Variants in PCDH7 observed in about 807,000 individuals in gnomAD.
PCDH7 encodes protocadherin-7.
In PCDH7, 17 loss-of-function variants were observed where a neutral mutation model predicts 58.9. The observed-to-expected ratio is 0.29, with a 90% CI of 0.20 to 0.43. PCDH7 has a LOEUF of 0.43. Among genes scored for constraint, PCDH7 ranks in the 20% least tolerant of loss-of-function variants. The pLI is 1.00. For missense variants in PCDH7, 1,274 were observed against 1,441.0 expected, an observed-to-expected ratio of 0.88 and a Z score of 1.88; for synonymous variants, 664 against 616.4, an observed-to-expected ratio of 1.08 and a Z score of -1.14.
chr4:30,878,879 C>T (rs1033251870), intron 1 of PCDH7, among the ~76,000 whole-genome samples: 1 of 151,930 alleles, frequency 6.6e-6, no homozygotes, highest in Admixed American at 6.6e-5. Flanking sequence ...ACAGGAAATA[C>T]CTTTCCATTA....
rs1037447381 is a variant in PCDH7, at chr4:31,045,494, C to T, written c.*7+95279C>T. Among the ~76,000 whole-genome samples the T allele has an allele frequency of 3.3e-5, 5 of 152,086 alleles. No individual in the cohort carries two copies. The East Asian group carries it at 7.7e-4, about 24-fold the overall frequency. ...CACACTTACACTGGGCATTCCGTTC[C>T]TGCTGTCAGAAGTCATAACATGATA... On this transcript the variant is annotated intron_variant, in intron 3 of 3. Coordinates refer to the PCDH7 transcript ENST00000509759.
intron 1 of PCDH7, among the ~76,000 whole-genome samples, chr4:30,902,254 T>A (rs556392354): frequency 1.3e-5 from 2 of 152,316 alleles, no homozygotes; most frequent in South Asian, 4.1e-4. Flanking sequence ...TGGTCAGTTG[T>A]TGCAGTATGT....
chr4:31,023,362 T>C (rs1324700375), intron 3 of PCDH7, among the ~76,000 whole-genome samples: 1 of 152,178 alleles, frequency 6.6e-6, no homozygotes, highest in Non-Finnish European at 1.5e-5. Flanking sequence ...CTATCCCTAT[T>C]CTTGTCCTGA....
intron 3 of PCDH7, among the ~76,000 whole-genome samples, chr4:31,111,621 T>G (rs1716332088): frequency 6.6e-6 from 1 of 152,072 alleles, no homozygotes; most frequent in East Asian, 1.9e-4. Context: ...CAAACAAATA[T>G]AACAACAACA....
intron 3 of PCDH7, among the ~76,000 whole-genome samples, chr4:31,137,702 G>A (rs770291625): frequency 2.6e-5 from 4 of 152,160 alleles, no homozygotes; most frequent in African/African-American, 4.8e-5. Context: ...GAACAAATTG[G>A]AGGAATGGTG....
chr4:30,969,356 CTT>C (rs1046024364), intron 3 of PCDH7, among the ~76,000 whole-genome samples: 1 of 147,406 alleles, frequency 6.8e-6, no homozygotes. Flanking sequence ...GATTTTGTCT[CTT>C]TTTTTTTTTC....
intron 1 of PCDH7, among the ~76,000 whole-genome samples, chr4:30,739,692 A>G (rs1347330096): frequency 6.6e-6 from 1 of 152,184 alleles, no homozygotes; most frequent in Non-Finnish European, 1.5e-5. Context: ...ATTTATGTGT[A>G]GTGGACGTAT....
intron 3 of PCDH7, among the ~76,000 whole-genome samples, chr4:31,082,885 G>A (rs1192224023): frequency 6.6e-6 from 1 of 152,118 alleles, no homozygotes; most frequent in Non-Finnish European, 1.5e-5. Context: ...AAGGTGGGCG[G>A]ATCACGAGGT....
chr4:31,101,418 A>G (rs1286003373), intron 3 of PCDH7, among the ~76,000 whole-genome samples: 1 of 152,134 alleles, frequency 6.6e-6, no homozygotes, highest in African/African-American at 2.4e-5. Context: ...TTCAGGTAGT[A>G]ATATATTTTA....
chr4:30,957,257 CAATTA>C (rs1330798717), intron 3 of PCDH7, among the ~76,000 whole-genome samples: 1 of 151,990 alleles, frequency 6.6e-6, no homozygotes, highest in Non-Finnish European at 1.5e-5. Context: ...TAACAGACAT[CAATTA>C]AATAAAAAGA....
intron 3 of PCDH7, among the ~76,000 whole-genome samples, chr4:31,047,153 C>G (rs574151077): frequency 7.2e-5 from 11 of 152,030 alleles, no homozygotes; most frequent in Admixed American, 2.0e-4. Flanking sequence ...TCTGATTACA[C>G]AAATATCACA....
intron 1 of PCDH7, among the ~76,000 whole-genome samples, chr4:30,779,803 T>C (rs1481949236): frequency 2.0e-5 from 3 of 152,230 alleles, no homozygotes; most frequent in South Asian, 4.1e-4. Flanking sequence ...CTGTGGGTGT[T>C]CAAGGCTCCC....
chr4:31,116,740 G>A (rs538636084), intron 3 of PCDH7, among the ~76,000 whole-genome samples: 3 of 152,308 alleles, frequency 2.0e-5, no homozygotes, highest in African/African-American at 4.8e-5. Flanking sequence ...GAGTGTGAGT[G>A]TCAATAGTAA....
rs78097069 is a variant in PCDH7 at position 31,050,876 on chromosome 4, T to G, written c.*8-91597T>G. Among the ~76,000 whole-genome samples, 17 of 152,266 alleles carry G rather than the reference T, an allele frequency of 1.1e-4. No homozygotes were observed. The East Asian group carries it at 2.9e-3, about 26-fold the overall frequency. ...GTATTTTAGAGATTGATAATAGGAC[T>G]GAATATATTTCCAGGGGTCACTTCC... On this transcript the variant is annotated intron_variant, in intron 3 of 3. Coordinates refer to the PCDH7 transcript ENST00000509759.
At chr4:31,035,386 T>C (rs1354199758) in intron 3 of PCDH7, among the ~76,000 whole-genome samples, 1 of 151,890 alleles carries the variant, frequency 6.6e-6, no homozygotes, top group African/African-American at 2.4e-5. Flanking sequence ...CCTGAGTAGC[T>C]AGGATTATGG....
At chr4:31,106,317 T>C (rs1012433245) in intron 3 of PCDH7, among the ~76,000 whole-genome samples, 3 of 152,102 alleles carry the variant, frequency 2.0e-5, no homozygotes, top group Non-Finnish European at 4.4e-5. Context: ...ATATAAGCGA[T>C]TGTGCAAAAA....
chr4:30,847,439 T>A (rs2109343453), intron 1 of PCDH7, among the ~76,000 whole-genome samples: 1 of 152,298 alleles, frequency 6.6e-6, no homozygotes, highest in East Asian at 1.9e-4. Context: ...CTCACCCAGC[T>A]GTCCTGTGAA....
intron 1 of PCDH7, among the ~76,000 whole-genome samples, chr4:30,761,839 T>G (rs574983982): frequency 6.6e-6 from 1 of 152,342 alleles, no homozygotes; most frequent in East Asian, 1.9e-4. Flanking sequence ...TTAATCTATT[T>G]GGTAGAGAAA....
intron 1 of PCDH7, among the ~76,000 whole-genome samples, chr4:30,759,801 G>A (rs1318821071): frequency 6.6e-6 from 1 of 152,004 alleles, no homozygotes. Flanking sequence ...ATTTAAGAAA[G>A]TGCCACCATT....
Sources: allele counts gnomAD v4.1 joint callset (sites outside exome capture counted in the v4.1 genomes callset), GRCh38; gene constraint gnomAD v4.1.1; transcripts MANE v1.5; gene names NCBI Gene and HGNC (gene_info 2026-07-23, HGNC 2026-07-21).